PRDM15: variants seen among roughly 807,000 people sequenced by gnomAD.
PRDM15 encodes PR domain zinc finger protein 15.
PRDM15 carries 64 observed loss-of-function variants against 128.6 expected under a neutral mutation model. The observed-to-expected ratio is 0.50, with a 90% CI of 0.41 to 0.61. The LOEUF (loss-of-function observed/expected upper bound fraction) is 0.61, where lower values mean the gene tolerates loss of function less well. Ranked by LOEUF, PRDM15 falls within the 20% of genes least tolerant of loss-of-function variation. The pLI, the probability that PRDM15 is intolerant of heterozygous loss-of-function variation, is 0.00. For synonymous variants in PRDM15, 615 were observed against 621.8 expected (o/e 0.99, Z 0.16); for missense variants, 1,242 against 1,569.1 (o/e 0.79, Z 3.52).
rs1460446710 is a variant in PRDM15, at chr21:41,874,518, TATA to T, written c.-10+4749_-10+4751del. ...AGCAGCATGCATATATATATATATA[TATA>T]TATATTTTTTTTTTTTTTTGAAACT... is the stretch of plus-strand genomic sequence containing the variant. On this transcript the variant is annotated intron_variant, in intron 1 of 23. Transcript: ENST00000398548. Among the ~76,000 whole-genome samples the T allele has an allele frequency of 8.5e-3, 671 of 78,746 alleles. 4 individuals carry two copies. The highest frequency in any genetic ancestry group is 0.032 in the Middle Eastern group (5 of 158). The allele number at this position is 78,746 out of a possible 152,430, so 51.7% of individuals were successfully genotyped here.
rs961808440 is a variant in PRDM15 at position 41,799,604 on chromosome 21, A to T, written c.*1636T>A. On this transcript the variant is annotated 3_prime_UTR_variant, in exon 24 of 24. Transcript: ENST00000398548. Reference sequence around the variant, plus strand: ...CATGAAGGCATATATTGCACAAAACAAATTCCAGCCCTGTCCTCAAAAGTC... The same window carrying T: ...CATGAAGGCATATATTGCACAAAACTAATTCCAGCCCTGTCCTCAAAAGTC... 6.6e-6 allele frequency: 1 copy of T among 152,182 alleles called. No homozygotes were observed. Among genetic ancestry groups the T allele is most frequent in the East Asian group, 1.9e-4 (1 of 5,200 alleles). 9.4% of individuals were successfully genotyped at this position (152,182 alleles called of 1,614,324 possible). A position where few individuals can be genotyped will look rare whatever the true frequency, so the allele number is the denominator to read the frequency against.
At chr21:41,839,269 T>A (rs918554831) in intron 7 of PRDM15, among the ~76,000 whole-genome samples, 1 of 151,660 alleles carries the variant, frequency 6.6e-6, no homozygotes, top group Non-Finnish European at 1.5e-5. Context: ...GCAGACAGAG[T>A]CCATTCGTGA....
chr21:41,826,409 A>T (rs28648688), intron 12 of PRDM15, among the ~76,000 whole-genome samples: 10,879 of 152,288 alleles, frequency 0.071, 434 homozygotes, highest in Non-Finnish European at 0.082. Flanking sequence ...TTCTAACTCC[A>T]TCTAAAGGCT....
chr21:41,859,701 C>T lies in PRDM15; in HGVS notation c.38-16G>A, dbSNP rs373358634. 2.4e-5 allele frequency: 38 copies of T among 1,610,268 alleles called. No individual in the cohort carries two copies. Among genetic ancestry groups the T allele is most frequent in the Middle Eastern group, 1.6e-4 (1 of 6,076 alleles). On this transcript the variant is annotated splice_polypyrimidine_tract_variant and intron_variant, in intron 2 of 23. Transcript: ENST00000398548. This position sits in a 1 kb window ranked among gnomAD's most constrained non-coding sequence, Gnocchi z 5.3. ...TCTTCACACCCTGCAAGCAGACATC[C>T]GGGCATTAGAGCACCCAGGGAGGGA...
intron 18 of PRDM15, among the ~76,000 whole-genome samples, chr21:41,818,777 TA>T (rs968322016): frequency 1.1e-4 from 16 of 150,818 alleles, no homozygotes; most frequent in Admixed American, 9.2e-4. Flanking sequence ...GAAGTTGTTT[TA>T]AAAAAAAAAT....
intron 5 of PRDM15, among the ~76,000 whole-genome samples, chr21:41,847,393 C>T (rs965591799): frequency 6.6e-6 from 1 of 152,178 alleles, no homozygotes; most frequent in Non-Finnish European, 1.5e-5. Flanking sequence ...GTGTGACTGT[C>T]CCCTTTTCAC....
At chr21:41,877,497 G>A (rs933548437) in intron 1 of PRDM15, 6 of 152,222 alleles carry the variant, frequency 3.9e-5, no homozygotes, top group African/African-American at 1.4e-4. Context: ...TGCAAATGAG[G>A]AACGGAGTCT....
At chr21:41,866,169 C>T (rs2064001475) in intron 1 of PRDM15, among the ~76,000 whole-genome samples, 3 of 152,196 alleles carry the variant, frequency 2.0e-5, no homozygotes, top group Admixed American at 2.0e-4. Context: ...AATCTTTTGA[C>T]CTGACACCTT....
At chr21:41,834,483 G>T (rs373973752) in intron 11 of PRDM15, 4 of 1,546,906 alleles carry the variant, frequency 2.6e-6, no homozygotes, top group East Asian at 2.4e-5. Context: ...GGACAAGGAC[G>T]GGGTGGGCGT....
intron 19 of PRDM15, chr21:41,813,408 G>A (rs1230433927): frequency 6.6e-6 from 1 of 152,518 alleles, no homozygotes; most frequent in African/African-American, 2.4e-5. Flanking sequence ...GCAGTCCAGG[G>A]GCAGAGGAGG....
chr21:41,854,842 G>A lies in PRDM15; in HGVS notation c.286-24C>T. ...ACCTGAAGGTGAGTCGGCCCATGGA[G>A]AAGCCGGGGAAATGGCTGATTACCC... On this transcript the variant is annotated intron_variant, in intron 4 of 23. Coordinates refer to ENST00000398548, the MANE Select transcript of PRDM15 (RefSeq NM_001040424.3). This position sits in a 1 kb window ranked among gnomAD's most constrained non-coding sequence, Gnocchi z 4.6. 1 of 1,582,578 alleles carries A rather than the reference G, an allele frequency of 6.3e-7. No homozygotes were observed. Among genetic ancestry groups the A allele is most frequent in the East Asian group, 2.3e-5 (1 of 44,372 alleles).
Position 41,836,636 on chromosome 21 carries a change from G to A in PRDM15, c.1015C>T (p.Gln339Ter). The A allele has an allele frequency of 1.2e-6, 2 of 1,602,680 alleles. No individual in the cohort carries two copies. Among genetic ancestry groups the A allele is most frequent in the Non-Finnish European group, 1.7e-6 (2 of 1,170,850 alleles). Residue 339 changes from glutamine to a stop codon, truncating the protein, a stop_gained, in exon 9 of 24, where the codon CAG becomes TAG. Coordinates refer to ENST00000398548, the MANE Select transcript of PRDM15 (RefSeq NM_001040424.3). LOFTEE classifies it high-confidence loss of function. ...CTCTTGAGCGTGATGGTGTTATTCTGATGATGGGTGAACCTGCCCAGGGAC... is the reference window on the plus strand; with the variant it reads ...CTCTTGAGCGTGATGGTGTTATTCTAATGATGGGTGAACCTGCCCAGGGAC... ...TSSVPKFTHH[Q>*]NNTITLKRSL...
At chr21:41,833,562 A>T (rs568135126) in intron 11 of PRDM15, among the ~76,000 whole-genome samples, 1 of 152,376 alleles carries the variant, frequency 6.6e-6, no homozygotes, top group Non-Finnish European at 1.5e-5. Flanking sequence ...ATAAATAAGT[A>T]TAAGAGCATG....
At position 41,832,601 on chromosome 21, in the gene PRDM15, C is replaced by T. The variant is rs997100543; in HGVS notation, c.1366+2836G>A. On this transcript the variant is annotated intron_variant, in intron 11 of 23. Transcript: ENST00000398548. This position sits in a 1 kb window ranked among gnomAD's most constrained non-coding sequence, Gnocchi z 4.2. ...TGAACAGCATAGGTGAGCCTCCCTC[C>T]CAGCCAGGCACTAAAGAGCACAGGT... 6.6e-6 allele frequency among the ~76,000 whole-genome samples: 1 copy of T among 152,176 alleles called. No homozygotes were observed. Among genetic ancestry groups the T allele is most frequent in the Admixed American group, 6.5e-5 (1 of 15,286 alleles).
At chr21:41,851,197 G>A (rs1027558428) in intron 5 of PRDM15, among the ~76,000 whole-genome samples, 4 of 152,202 alleles carry the variant, frequency 2.6e-5, no homozygotes, top group African/African-American at 4.8e-5. Flanking sequence ...CAGAGGGCAC[G>A]TCACTGAGCA....
chr21:41,821,089 G>A lies in PRDM15; in HGVS notation c.2038C>T (p.Leu680=), dbSNP rs776480145. 4.3e-6 allele frequency: 7 copies of A among 1,614,242 alleles called. No homozygotes were observed. Among genetic ancestry groups the A allele is most frequent in the Non-Finnish European group, 5.1e-6 (6 of 1,180,042 alleles). The part of the protein sequence containing the change: ...HAHMVIHREN[L]PDPNVQKYIH... ...CACTTCTGCACGTTGGGGTCCGGCAGGTTTTCACGGTGGATGACCATGTGG... is the reference window on the plus strand; with the variant it reads ...CACTTCTGCACGTTGGGGTCCGGCAAGTTTTCACGGTGGATGACCATGTGG... The change falls in exon 16 of 24, where the codon CTG becomes TTG. Residue 680 remains leucine (L), a synonymous_variant. Coordinates refer to ENST00000398548, the MANE Select transcript of PRDM15 (RefSeq NM_001040424.3). The surrounding 1 kb of genome is among the most constrained non-coding windows in gnomAD (Gnocchi z 5.4).
chr21:41,866,850 G>A (rs188490142), intron 1 of PRDM15, among the ~76,000 whole-genome samples: 1 of 152,164 alleles, frequency 6.6e-6, no homozygotes, highest in Non-Finnish European at 1.5e-5. Flanking sequence ...GGCTGGTAGA[G>A]CCCAGATCCG....
intron 19 of PRDM15, 100 bp downstream of exon 19, chr21:41,815,605 A>C: frequency 6.7e-7 from 1 of 1,487,378 alleles, no homozygotes; most frequent in African/African-American, 1.4e-5. Flanking sequence ...GGAATCACAA[A>C]GAGGAATCGT....
In PRDM15 at chr21:41,837,998, G is replaced by C. The variant is rs370110762; in HGVS notation, c.937C>G (p.Arg313Gly). 2 of 1,614,134 alleles carry C rather than the reference G, an allele frequency of 1.2e-6. No homozygotes were observed. The highest frequency in any genetic ancestry group is 1.3e-5 in the African/African-American group (1 of 75,050). ...DEPVSATPDERIMELVLGKLA... is the reference protein window; with the variant it reads ...DEPVSATPDEGIMELVLGKLA... ...TTCCCCAGAACCAGCTCCATGATCCGCTCATCTGGCGTTGCACTCACAGGC... is the reference window on the plus strand; with the variant it reads ...TTCCCCAGAACCAGCTCCATGATCCCCTCATCTGGCGTTGCACTCACAGGC... The change falls in exon 8 of 24, where the codon CGG becomes GGG. Residue 313 changes from arginine (R) to glycine (G), a missense_variant. Arg to Gly is a moderately radical substitution (Grantham distance 125). Coordinates refer to ENST00000398548, the MANE Select transcript of PRDM15 (RefSeq NM_001040424.3).
Sources: allele counts gnomAD v4.1 joint callset (sites outside exome capture counted in the v4.1 genomes callset), GRCh38; gene constraint gnomAD v4.1.1; non-coding constraint Gnocchi (gnomAD v3.1); transcripts MANE v1.5; gene names NCBI Gene and HGNC (gene_info 2026-07-23, HGNC 2026-07-21).